The following FAF2 variants were observed in gnomAD, a reference collection of about 807,000 sequenced individuals.
FAF2 encodes the protein FAS-associated factor 2.
Under a neutral mutation model 62.3 loss-of-function variants are expected in FAF2, and 9 were observed. The observed-to-expected ratio is 0.14, with a 90% CI of 0.09 to 0.25. FAF2 has a LOEUF of 0.25. Ranked by LOEUF, FAF2 falls within the 10% of genes least tolerant of loss-of-function variation. The pLI, the probability that FAF2 is intolerant of heterozygous loss-of-function variation, is 1.00. For synonymous variants in FAF2, 202 were observed against 198.0 expected (o/e 1.02, Z -0.17); for missense variants, 368 against 556.2 (o/e 0.66, Z 3.40).
chr5:176,480,858 G>A (rs1046862196), intron 2 of FAF2, among the ~76,000 whole-genome samples: 2 of 151,938 alleles, frequency 1.3e-5, no homozygotes, highest in Non-Finnish European at 2.9e-5. Flanking sequence ...ACCTAATGTA[G>A]ATGACGGGTT....
chr5:176,464,042 A>G (rs1041314476), intron 1 of FAF2, among the ~76,000 whole-genome samples: 1 of 151,878 alleles, frequency 6.6e-6, no homozygotes, highest in Non-Finnish European at 1.5e-5. Context: ...AAATTTTTCT[A>G]TTGCTGCTAC....
intron 1 of FAF2, 114 bp from the exon 2 acceptor site, chr5:176,479,074 A>C (rs1460062646): frequency 9.6e-6 from 8 of 829,356 alleles, no homozygotes; most frequent in Non-Finnish European, 1.7e-5. Context: ...CCATACTTTA[A>C]CACTCACTTT....
At chr5:176,497,578 TA>T (rs1347750628) in intron 8 of FAF2, among the ~76,000 whole-genome samples, 5 of 152,316 alleles carry the variant, frequency 3.3e-5, no homozygotes, top group African/African-American at 1.2e-4. Flanking sequence ...AAATACATCA[TA>T]ATTTAACCAG....
rs1245036214 is a variant in FAF2, at chr5:176,457,737, T to TG, written c.63+9273dup. On this transcript the variant is annotated intron_variant, in intron 1 of 10. Transcript: ENST00000261942. ...AATAGCAGAAATCACCGTGAACACT[T>TG]GGGGGGCCTGTGTGTGGGCCTTGGA... Among the ~76,000 whole-genome samples the TG allele has an allele frequency of 2.6e-5, 4 of 151,870 alleles. No individual in the cohort carries two copies. In the East Asian group the frequency reaches 5.8e-4, roughly 22 times the overall value.
At chr5:176,504,329 G>T (rs1195509011) in intron 10 of FAF2, among the ~76,000 whole-genome samples, 1 of 151,638 alleles carries the variant, frequency 6.6e-6, no homozygotes, top group African/African-American at 2.4e-5. Flanking sequence ...CACGCCCATA[G>T]TCCCAGCCTA....
rs140338786 is a variant in FAF2, at chr5:176,501,551, C to T, written c.1155+1405C>T. Among the ~76,000 whole-genome samples the T allele has an allele frequency of 5.5e-4, 83 of 152,236 alleles. 1 individual carries two copies. Among genetic ancestry groups the T allele is most frequent in the African/African-American group, 1.9e-3 (80 of 41,536 alleles). ...AACATAGGTATGTCATGCAGTGAGCCAGATACTCTAGGGATCATTTAGATG... is the reference window on the plus strand; with the variant it reads ...AACATAGGTATGTCATGCAGTGAGCTAGATACTCTAGGGATCATTTAGATG... On this transcript the variant is annotated intron_variant, in intron 10 of 10. Coordinates refer to ENST00000261942, the MANE Select transcript of FAF2 (RefSeq NM_014613.3).
At chr5:176,483,314 G>A (rs557732275) in intron 2 of FAF2, among the ~76,000 whole-genome samples, 13 of 152,200 alleles carry the variant, frequency 8.5e-5, no homozygotes, top group African/African-American at 1.4e-4. Flanking sequence ...TTTTGTTGTC[G>A]TATCTAAGAT....
At chr5:176,492,447 T>G in intron 5 of FAF2, 115 bp downstream of exon 5, 3 of 1,151,688 alleles carry the variant, frequency 2.6e-6, no homozygotes, top group East Asian at 2.8e-5. Flanking sequence ...TAATTAGCTC[T>G]TCACTGCTTA....
intron 4 of FAF2, among the ~76,000 whole-genome samples, chr5:176,490,604 A>T (rs1291922959): frequency 6.6e-6 from 1 of 152,146 alleles, no homozygotes; most frequent in African/African-American, 2.4e-5. Context: ...AGTACCTTTT[A>T]TATTGGACCC....
Position 176,508,693 on chromosome 5 carries a change from C to T in FAF2, c.*1743C>T, listed in dbSNP as rs1323328513. 6.6e-6 allele frequency: 1 copy of T among 152,208 alleles called. No individual in the cohort carries two copies. Among genetic ancestry groups the T allele is most frequent in the East Asian group, 1.9e-4 (1 of 5,200 alleles). The allele number at this position is 152,208 out of a possible 1,614,324, so 9.4% of individuals were successfully genotyped here. On this transcript the variant is annotated 3_prime_UTR_variant, in exon 11 of 11. Coordinates refer to ENST00000261942, the MANE Select transcript of FAF2 (RefSeq NM_014613.3). ...GTTCTTCCACTTCGTTTTCTGCTGT[C>T]CCAAGGCCAGATGAGTGGAATCACC...
chr5:176,499,501 T>G (rs890548805), intron 9 of FAF2, among the ~76,000 whole-genome samples: 1 of 152,170 alleles, frequency 6.6e-6, no homozygotes, highest in Non-Finnish European at 1.5e-5. Flanking sequence ...TTGTTTTGTT[T>G]TGTTTTGTTG....
At chr5:176,452,327 G>A (rs1467105669) in intron 1 of FAF2, among the ~76,000 whole-genome samples, 6 of 152,146 alleles carry the variant, frequency 3.9e-5, no homozygotes, top group African/African-American at 7.2e-5. Flanking sequence ...CAAAGTGCTC[G>A]GATTACAGGC....
In FAF2 at chr5:176,452,478, T is replaced by A. The variant is rs1452594924; in HGVS notation, c.63+4008T>A. 3.9e-5 allele frequency among the ~76,000 whole-genome samples: 6 copies of A among 152,328 alleles called. No individual in the cohort carries two copies. In the East Asian group the frequency reaches 1.2e-3, roughly 29 times the overall value. ...TAGGTGGTATGCATAATGAAGCAGATCTATTGATGTATTTACTCAAGGTGA... is the reference window on the plus strand; with the variant it reads ...TAGGTGGTATGCATAATGAAGCAGAACTATTGATGTATTTACTCAAGGTGA... On this transcript the variant is annotated intron_variant, in intron 1 of 10. Transcript: ENST00000261942.
At chr5:176,467,488 C>T (rs1414685596) in intron 1 of FAF2, among the ~76,000 whole-genome samples, 1 of 152,112 alleles carries the variant, frequency 6.6e-6, no homozygotes, top group Non-Finnish European at 1.5e-5. Flanking sequence ...TGCACAACCA[C>T]ACCTGGCTAA....
At chr5:176,461,224 G>C (rs1758371805) in intron 1 of FAF2, among the ~76,000 whole-genome samples, 1 of 151,360 alleles carries the variant, frequency 6.6e-6, no homozygotes, top group South Asian at 2.1e-4. Context: ...GTGTTGTCCA[G>C]GCTGGTCTCG....
In FAF2 at chr5:176,452,943, T is replaced by TTTC. The variant is rs541223877; in HGVS notation, c.63+4477_63+4479dup. Among the ~76,000 whole-genome samples, 472 of 152,302 alleles carry TTTC rather than the reference T, an allele frequency of 3.1e-3. 4 individuals carry two copies. Among genetic ancestry groups the TTTC allele is most frequent in the African/African-American group, 0.011 (449 of 41,556 alleles). On this transcript the variant is annotated intron_variant, in intron 1 of 10. Coordinates refer to ENST00000261942, the MANE Select transcript of FAF2 (RefSeq NM_014613.3). ...CTGCTAGGAGTTGGTTCTCAATATGTTTCTTCATTTGGTATATTGAAATCA... is the reference window on the plus strand; with the variant it reads ...CTGCTAGGAGTTGGTTCTCAATATGTTTCTTCTTCATTTGGTATATTGAAATCA...
Position 176,456,272 on chromosome 5 carries a change from A to T in FAF2, c.63+7802A>T, listed in dbSNP as rs10066209. 2.9e-3 allele frequency among the ~76,000 whole-genome samples: 440 copies of T among 152,302 alleles called. 3 individuals carry two copies. The highest frequency in any genetic ancestry group is 9.5e-3 in the African/African-American group (394 of 41,570). ...TTTTTAGTAGAGATGGGGTTTTGCCATGCTGGCCAGGCTGGTCTTGAATTC... is the reference window on the plus strand; with the variant it reads ...TTTTTAGTAGAGATGGGGTTTTGCCTTGCTGGCCAGGCTGGTCTTGAATTC... On this transcript the variant is annotated intron_variant, in intron 1 of 10. Coordinates refer to ENST00000261942, the MANE Select transcript of FAF2 (RefSeq NM_014613.3).
chr5:176,467,863 C>T (rs147071817), intron 1 of FAF2, among the ~76,000 whole-genome samples: 193 of 152,254 alleles, frequency 1.3e-3, no homozygotes, highest in African/African-American at 4.3e-3. Flanking sequence ...ATGAGAAGAT[C>T]AGTGTTTAAG....
At chr5:176,458,713 A>G (rs1758323423) in intron 1 of FAF2, among the ~76,000 whole-genome samples, 1 of 152,082 alleles carries the variant, frequency 6.6e-6, no homozygotes, top group Non-Finnish European at 1.5e-5. Flanking sequence ...CCAGAACAGT[A>G]TTTCTAACAA....
Sources: gnomAD v4.1 joint callset for allele counts (sites outside exome capture counted in the v4.1 genomes callset) on GRCh38, gnomAD v4.1.1 for gene constraint, MANE v1.5 for transcripts, NCBI Gene and HGNC (gene_info 2026-07-23, HGNC 2026-07-21) for gene names.